DCC: variants seen among roughly 807,000 people sequenced by gnomAD.
DCC encodes netrin receptor DCC.
Under a neutral mutation model 172.5 loss-of-function variants are expected in DCC, and 58 were observed. That is an observed-to-expected ratio of 0.34 (90% CI 0.27 to 0.42). The LOEUF is 0.42. Ranked by LOEUF, DCC falls within the 10% of genes least tolerant of loss-of-function variation. The pLI is 1.00. For synonymous variants in DCC, 709 were observed against 644.5 expected, an observed-to-expected ratio of 1.10 and a Z score of -1.52; for missense variants, 1,740 against 1,791.0, an observed-to-expected ratio of 0.97 and a Z score of 0.51.
chr18:52,797,003 T>C (rs1032890029), intron 2 of DCC, among the ~76,000 whole-genome samples: 1 of 143,370 alleles, frequency 7.0e-6, no homozygotes, highest in Admixed American at 7.3e-5. Flanking sequence ...GCTTTCTTCA[T>C]TCATTCCTTT....
At chr18:53,483,221 G>A (rs2045858389) in intron 25 of DCC, among the ~76,000 whole-genome samples, 1 of 151,736 alleles carries the variant, frequency 6.6e-6, no homozygotes, top group African/African-American at 2.4e-5. Context: ...TTTTTCTGGA[G>A]TCTGTTTACG....
At chr18:53,188,396 G>C (rs980170554) in intron 9 of DCC, among the ~76,000 whole-genome samples, 1 of 152,170 alleles carries the variant, frequency 6.6e-6, no homozygotes, top group Admixed American at 6.5e-5. Flanking sequence ...AGATTTATCT[G>C]TATTCTGCTG....
At chr18:52,420,522 TG>T (rs1987211970) in intron 1 of DCC, among the ~76,000 whole-genome samples, 1 of 152,126 alleles carries the variant, frequency 6.6e-6, no homozygotes, top group African/African-American at 2.4e-5. Context: ...GGCACCTTCC[TG>T]GGGGTGACTC....
At chr18:52,789,361 G>A (rs1159801817) in intron 2 of DCC, among the ~76,000 whole-genome samples, 1 of 151,986 alleles carries the variant, frequency 6.6e-6, no homozygotes, top group East Asian at 1.9e-4. Flanking sequence ...ATTAAGAGTG[G>A]CAAGACAAAA....
intron 7 of DCC, among the ~76,000 whole-genome samples, chr18:53,129,254 G>A (rs2043616229): frequency 6.6e-6 from 1 of 151,888 alleles, no homozygotes; most frequent in Admixed American, 6.6e-5. Context: ...TTTCTATTAT[G>A]GAAGGTGAAT....
At chr18:52,434,409 C>T (rs781042714) in intron 1 of DCC, among the ~76,000 whole-genome samples, 11 of 152,014 alleles carry the variant, frequency 7.2e-5, no homozygotes, top group Admixed American at 6.6e-4. Context: ...CTAAGAGTGC[C>T]CAAAAATGTC....
At chr18:52,380,477 C>T (rs1985538224) in intron 1 of DCC, among the ~76,000 whole-genome samples, 1 of 152,082 alleles carries the variant, frequency 6.6e-6, no homozygotes, top group Admixed American at 6.6e-5. Flanking sequence ...ATGGAACCCC[C>T]TCACAAGACA....
intron 15 of DCC, among the ~76,000 whole-genome samples, chr18:53,364,476 G>T (rs2057980343): frequency 6.6e-6 from 1 of 152,118 alleles, no homozygotes; most frequent in South Asian, 2.1e-4. Flanking sequence ...AATGAAGTAT[G>T]ATCAGAGAGA....
chr18:52,837,138 A>G (rs1194959174), intron 2 of DCC, among the ~76,000 whole-genome samples: 1 of 152,206 alleles, frequency 6.6e-6, no homozygotes, highest in African/African-American at 2.4e-5. Context: ...TGCACACAGC[A>G]GGAGGGGCTC....
At chr18:52,735,563 T>G (rs1168081930) in intron 1 of DCC, among the ~76,000 whole-genome samples, 2 of 151,846 alleles carry the variant, frequency 1.3e-5, no homozygotes, top group Non-Finnish European at 2.9e-5. Context: ...AAGCTGAGAG[T>G]GCAGCCTTCA....
intron 2 of DCC, among the ~76,000 whole-genome samples, chr18:52,905,670 A>C (rs1175683057): frequency 6.6e-6 from 1 of 152,238 alleles, no homozygotes; most frequent in African/African-American, 2.4e-5. Context: ...ATTCGGAAGA[A>C]CAAGTTGCTG....
At chr18:52,533,374 G>A (rs1168738558) in intron 1 of DCC, among the ~76,000 whole-genome samples, 1 of 152,094 alleles carries the variant, frequency 6.6e-6, no homozygotes, top group African/African-American at 2.4e-5. Context: ...AGATCCTTGT[G>A]TTCTTGTGTG....
At chr18:52,802,849 C>A (rs2038018847) in intron 2 of DCC, among the ~76,000 whole-genome samples, 1 of 151,324 alleles carries the variant, frequency 6.6e-6, no homozygotes, top group African/African-American at 2.4e-5. Flanking sequence ...GACCAGAAAC[C>A]TTGCTAATAA....
At chr18:53,077,278 C>T (rs2042736820) in intron 7 of DCC, among the ~76,000 whole-genome samples, 1 of 152,068 alleles carries the variant, frequency 6.6e-6, no homozygotes, top group Non-Finnish European at 1.5e-5. Context: ...GTATACTCAA[C>T]ATTCTACCTT....
At chr18:52,522,206 C>T (rs953799887) in intron 1 of DCC, among the ~76,000 whole-genome samples, 8 of 152,184 alleles carry the variant, frequency 5.3e-5, no homozygotes, top group Admixed American at 5.2e-4. Flanking sequence ...CAGTATCTAC[C>T]TGTACATGGT....
At chr18:53,342,894 A>G in intron 15 of DCC, among the ~76,000 whole-genome samples, 1 of 124,180 alleles carries the variant, frequency 8.1e-6, no homozygotes, top group East Asian at 3.1e-4. Context: ...TTTAAATAGA[A>G]CTGTTTTTAA....
rs77952552 is a variant in DCC at position 53,270,708 on chromosome 18, A to G, written c.1912-34870A>G. Among the ~76,000 whole-genome samples, 3 of 152,192 alleles carry G rather than the reference A, an allele frequency of 2.0e-5. No individual in the cohort carries two copies. In the East Asian group the frequency reaches 5.8e-4, roughly 29 times the overall value. ...ATATGGCACATTGGTACCCATTGTTATCTTTTTAAAATTATGTTTTAGGGC... is the reference window on the plus strand; with the variant it reads ...ATATGGCACATTGGTACCCATTGTTGTCTTTTTAAAATTATGTTTTAGGGC... On this transcript the variant is annotated intron_variant, in intron 12 of 28. Coordinates refer to ENST00000442544, the MANE Select transcript of DCC (RefSeq NM_005215.4).
chr18:53,234,499 G>GAT (rs1291611944), intron 12 of DCC, among the ~76,000 whole-genome samples: 5 of 151,988 alleles, frequency 3.3e-5, no homozygotes, highest in African/African-American at 1.2e-4. Context: ...CAAGACCCCA[G>GAT]ATATCACTCA....
chr18:52,514,263 A>G (rs2032141320), intron 1 of DCC, among the ~76,000 whole-genome samples: 2 of 152,172 alleles, frequency 1.3e-5, no homozygotes, highest in South Asian at 2.1e-4. Context: ...AGAGAGAGAT[A>G]CAAAGTTATA....
Sources: allele counts gnomAD v4.1 joint callset (sites outside exome capture counted in the v4.1 genomes callset), GRCh38; gene constraint gnomAD v4.1.1; transcripts MANE v1.5; gene names NCBI Gene and HGNC (gene_info 2026-07-23, HGNC 2026-07-21).